Variants in PCDHGA5 observed in about 807,000 individuals in gnomAD.
The protein encoded by PCDHGA5 is protocadherin gamma-A5.
In PCDHGA5, 36 loss-of-function variants were observed where a neutral mutation model predicts 56.7. The observed-to-expected ratio is 0.64, with a 90% CI of 0.49 to 0.84. The LOEUF (loss-of-function observed/expected upper bound fraction) is 0.84. Among genes scored for constraint, PCDHGA5 ranks in the 40% least tolerant of loss-of-function variants. The pLI is 0.00. For missense variants in PCDHGA5, 1,305 were observed against 1,201.5 expected, an observed-to-expected ratio of 1.09 and a Z score of -1.27; for synonymous variants, 563 against 520.2, an observed-to-expected ratio of 1.08 and a Z score of -1.12.
intron 1 of PCDHGA5, chr5:141,478,582 G>T: frequency 1.3e-6 from 2 of 1,579,988 alleles, no homozygotes; most frequent in Non-Finnish European, 1.7e-6. Context: ...CCCTGTTAGT[G>T]CTTTTTTATT....
chr5:141,385,638 T>A, intron 1 of PCDHGA5: 1 of 831,764 alleles, frequency 1.2e-6, no homozygotes, highest in Non-Finnish European at 1.5e-6. Context: ...ATCGAGTCTT[T>A]CATATTGCAC....
Position 141,506,991 on chromosome 5 carries a change from C to T in PCDHGA5, c.2569+1510C>T, listed in dbSNP as rs190455068. 3 of 152,366 alleles carry T rather than the reference C, an allele frequency of 2.0e-5. No homozygotes were observed. In the East Asian group the frequency reaches 5.8e-4, roughly 29 times the overall value. The allele number at this position is 152,366 out of a possible 1,614,324, so 9.4% of individuals were successfully genotyped here. A position where few individuals can be genotyped will look rare whatever the true frequency, so the allele number is the denominator to read the frequency against. The stretch of plus-strand genomic sequence containing the variant: ...TGCAAGGCAGGTCTGATTTCTCACA[C>T]TCGACAGATGAGAGAACCGAGAAGG... On this transcript the variant is annotated intron_variant, in intron 3 of 3. Coordinates refer to ENST00000518069, the MANE Select transcript of PCDHGA5 (RefSeq NM_018918.3).
rs1428628914 is a variant in PCDHGA5, at chr5:141,487,223, G to A, written c.2422-7584G>A. 1.2e-6 allele frequency: 2 copies of A among 1,614,076 alleles called. No homozygotes were observed. The highest frequency in any genetic ancestry group is 2.2e-5 in the East Asian group (1 of 44,866). The stretch of plus-strand genomic sequence containing the variant: ...TCTTCGAGAATCTTCAGCTCCAAGG[G>A]AAGGAGAATCTCGTCTAACCCTCTA... On this transcript the variant is annotated intron_variant, in intron 1 of 3. Transcript: ENST00000518069. This position sits in a 1 kb window ranked among gnomAD's most constrained non-coding sequence, Gnocchi z 5.0.
intron 1 of PCDHGA5, among the ~76,000 whole-genome samples, chr5:141,437,990 C>G (rs1298325497): frequency 1.3e-5 from 2 of 152,148 alleles, no homozygotes; most frequent in Non-Finnish European, 2.9e-5. Flanking sequence ...CCCACCCCAC[C>G]TCAGCCTCCC....
chr5:141,500,234 A>T (rs2099798212), intron 2 of PCDHGA5, among the ~76,000 whole-genome samples: 1 of 148,996 alleles, frequency 6.7e-6, no homozygotes, highest in Non-Finnish European at 1.5e-5. Context: ...ATTGATACGT[A>T]GCCTTGCTCT....
intron 1 of PCDHGA5, chr5:141,422,014 C>A: frequency 6.2e-7 from 1 of 1,610,158 alleles, no homozygotes; most frequent in Non-Finnish European, 8.5e-7. Flanking sequence ...AACTCGGGTG[C>A]TGATGGTTAA....
intron 1 of PCDHGA5, chr5:141,423,253 C>T (rs750278899): frequency 6.2e-7 from 1 of 1,613,916 alleles, no homozygotes; most frequent in Non-Finnish European, 8.5e-7. Flanking sequence ...CCTGGCGGAC[C>T]TCGGCAGCCT....
chr5:141,457,279 G>A (rs948609305), intron 1 of PCDHGA5, among the ~76,000 whole-genome samples: 2 of 152,190 alleles, frequency 1.3e-5, no homozygotes, highest in African/African-American at 4.8e-5. Flanking sequence ...GTGGGCCTAC[G>A]AAGTTCCTTG....
intron 1 of PCDHGA5, chr5:141,400,524 GGTGA>G (rs1307110266): frequency 1.2e-6 from 2 of 1,613,920 alleles, no homozygotes; most frequent in Admixed American, 3.3e-5. Context: ...ATCCTGAGTT[GGTGA>G]GTTTCATTTA....
At chr5:141,492,218 T>C (rs2099738354) in intron 1 of PCDHGA5, among the ~76,000 whole-genome samples, 1 of 152,114 alleles carries the variant, frequency 6.6e-6, no homozygotes. Flanking sequence ...GCGGGGCTCA[T>C]GCGTGTCCTC....
intron 2 of PCDHGA5, among the ~76,000 whole-genome samples, chr5:141,502,517 G>A (rs1333510345): frequency 1.3e-5 from 2 of 152,128 alleles, no homozygotes; most frequent in Admixed American, 6.6e-5. Flanking sequence ...CCCACTATCA[G>A]TGATGCCGAG....
intron 1 of PCDHGA5, among the ~76,000 whole-genome samples, chr5:141,457,319 G>A (rs914658873): frequency 7.9e-5 from 12 of 152,086 alleles, no homozygotes; most frequent in East Asian, 3.8e-4. Flanking sequence ...AGAAACCTCC[G>A]GGTTACAGGT....
chr5:141,457,504 A>G (rs2098922754), intron 1 of PCDHGA5, among the ~76,000 whole-genome samples: 1 of 152,222 alleles, frequency 6.6e-6, no homozygotes, highest in Non-Finnish European at 1.5e-5. Context: ...GTAGGCAAAA[A>G]GCTTAAAAAC....
intron 1 of PCDHGA5, chr5:141,384,769 G>A (rs778610936): frequency 6.2e-7 from 1 of 1,613,914 alleles, no homozygotes; most frequent in Non-Finnish European, 8.5e-7. Context: ...GCTGTACACG[G>A]GCGAGGTGCG....
At chr5:141,384,640 T>C (rs1780304566) in intron 1 of PCDHGA5, 1 of 1,613,956 alleles carries the variant, frequency 6.2e-7, no homozygotes, top group Admixed American at 1.7e-5. Context: ...GGCACCCCGC[T>C]CCGCAGAGCC....
chr5:141,414,173 C>A, intron 1 of PCDHGA5: 1 of 1,606,526 alleles, frequency 6.2e-7, no homozygotes. Context: ...GCATATCTTG[C>A]AACTGCAAAA....
At chr5:141,418,894 A>G (rs200182481) in intron 1 of PCDHGA5, 2 of 1,614,004 alleles carry the variant, frequency 1.2e-6, no homozygotes, top group East Asian at 4.5e-5. Context: ...ACAACAGCCC[A>G]GAAATAATCA....
chr5:141,456,389 TTTGA>T (rs1181323617), intron 1 of PCDHGA5, among the ~76,000 whole-genome samples: 2 of 152,074 alleles, frequency 1.3e-5, no homozygotes, highest in Non-Finnish European at 2.9e-5. Flanking sequence ...CCGTTTGGAG[TTTGA>T]TTGCTTCTAG....
intron 1 of PCDHGA5, chr5:141,423,914 A>G (rs2096790099): frequency 3.0e-5 from 38 of 1,268,116 alleles, no homozygotes; most frequent in Non-Finnish European, 3.0e-6. Flanking sequence ...GGGGCCATTC[A>G]ACTATGCTGG....
Sources: allele counts gnomAD v4.1 joint callset (sites outside exome capture counted in the v4.1 genomes callset), GRCh38; gene constraint gnomAD v4.1.1; non-coding constraint Gnocchi (gnomAD v3.1); transcripts MANE v1.5; gene names NCBI Gene and HGNC (gene_info 2026-07-23, HGNC 2026-07-21).